Variants in PDE1C observed in about 807,000 individuals in gnomAD.
The protein encoded by PDE1C is phosphodiesterase 1C, also known as dual specificity calcium/calmodulin-dependent 3',5'-cyclic nucleotide phosphodiesterase 1C.
Under a neutral mutation model 93.1 loss-of-function variants are expected in PDE1C, and 62 were observed. The ratio of observed to expected loss-of-function variants is 0.67; its 90% CI spans 0.54 to 0.82. PDE1C has a LOEUF of 0.82. PDE1C is among the 40% of genes least tolerant of loss of function. The pLI, the probability that PDE1C is intolerant of heterozygous loss-of-function variation, is 0.00. For missense variants in PDE1C, 742 were observed against 884.6 expected (o/e 0.84, Z 2.04); for synonymous variants, 325 against 310.1 (o/e 1.05, Z -0.50).
chr7:31,724,857 C>T, the PDE1C span, among the ~76,000 whole-genome samples: 15 of 152,104 alleles, frequency 9.9e-5, no homozygotes, highest in Non-Finnish European at 5.9e-5. Flanking sequence ...GTTTTGGGAC[C>T]GCCCTTTCTG....
chr7:31,949,721 T>TCACC (rs1014941520), intron 2 of PDE1C, among the ~76,000 whole-genome samples: 2 of 152,172 alleles, frequency 1.3e-5, no homozygotes, highest in African/African-American at 4.8e-5. Flanking sequence ...ACATAAAATT[T>TCACC]CACCCAAAAT....
At chr7:31,916,652 C>A (rs1386422878) in intron 2 of PDE1C, among the ~76,000 whole-genome samples, 2 of 152,138 alleles carry the variant, frequency 1.3e-5, no homozygotes, top group African/African-American at 2.4e-5. Context: ...ATCAGGTAAC[C>A]CTGCACCAGG....
At chr7:32,402,453 G>T (rs1784965716) in intron 1 of PDE1C, among the ~76,000 whole-genome samples, 2 of 151,968 alleles carry the variant, frequency 1.3e-5, no homozygotes, top group African/African-American at 4.8e-5. Flanking sequence ...TGATTTTCAA[G>T]GGCAAGCAGA....
rs531056178 is a variant in PDE1C, at chr7:32,342,416, G to A, written c.310+85406C>T. On this transcript the variant is annotated intron_variant, in intron 1 of 1. Coordinates refer to the PDE1C transcript ENST00000672256. ...TTTTCCTATATAAAATCAAAGTCATGTATTATCTTGCTTCATATATATAAT... is the reference window on the plus strand; with the variant it reads ...TTTTCCTATATAAAATCAAAGTCATATATTATCTTGCTTCATATATATAAT... Among the ~76,000 whole-genome samples, 27 of 152,210 alleles carry A rather than the reference G, an allele frequency of 1.8e-4. No homozygotes were observed. The East Asian group carries it at 5.2e-3, about 29-fold the overall frequency.
intron 1 of PDE1C, among the ~76,000 whole-genome samples, chr7:32,342,236 C>T (rs1399380429): frequency 6.6e-6 from 1 of 152,170 alleles, no homozygotes; most frequent in African/African-American, 2.4e-5. Flanking sequence ...AAATCAGACA[C>T]CAATTCTGCT....
chr7:31,760,904 G>C (rs1285028593), intron 17 of PDE1C, among the ~76,000 whole-genome samples: 1 of 152,044 alleles, frequency 6.6e-6, no homozygotes, highest in Non-Finnish European at 1.5e-5. Flanking sequence ...TCTAAAATCA[G>C]TATCTGTTTG....
At chr7:32,186,593 C>A (rs910679398) in intron 2 of PDE1C, among the ~76,000 whole-genome samples, 1 of 151,782 alleles carries the variant, frequency 6.6e-6, no homozygotes, top group Non-Finnish European at 1.5e-5. Flanking sequence ...CCTTTCTTTG[C>A]CTTTTTTATT....
At chr7:31,979,781 G>A (rs1266293198) in intron 2 of PDE1C, among the ~76,000 whole-genome samples, 7 of 152,172 alleles carry the variant, frequency 4.6e-5, no homozygotes, top group Non-Finnish European at 4.4e-5. Context: ...ACTAGCCAAG[G>A]AAACAAAGAA....
intron 16 of PDE1C, among the ~76,000 whole-genome samples, chr7:31,794,037 TAGATAGACAGACAGAC>T (rs1187543391): frequency 2.8e-4 from 30 of 105,832 alleles, no homozygotes; most frequent in Middle Eastern, 4.7e-3. Flanking sequence ...GATAGATAGA[TAGATAGACAGACAGAC>T]AGACAGACAG....
chr7:32,277,963 T>C (rs1340739365), intron 1 of PDE1C, among the ~76,000 whole-genome samples: 1 of 152,082 alleles, frequency 6.6e-6, no homozygotes, highest in Admixed American at 6.6e-5. Flanking sequence ...AAGGTGCCAC[T>C]TCATTAGAGC....
At chr7:31,722,249 G>A in the PDE1C span, among the ~76,000 whole-genome samples, 1 of 152,070 alleles carries the variant, frequency 6.6e-6, no homozygotes. Flanking sequence ...CAGGCACCTT[G>A]CTCCCACTTC....
At chr7:31,971,107 A>G in intron 2 of PDE1C, among the ~76,000 whole-genome samples, 1 of 152,190 alleles carries the variant, frequency 6.6e-6, no homozygotes, top group East Asian at 1.9e-4. Context: ...GCGCTACTGC[A>G]CTCCAGCCCT....
At chr7:31,805,629 G>C (rs1455387807) in intron 16 of PDE1C, among the ~76,000 whole-genome samples, 5 of 151,042 alleles carry the variant, frequency 3.3e-5, no homozygotes, top group Non-Finnish European at 7.4e-5. Context: ...TGAAACCACA[G>C]AAAGTGAAAC....
At chr7:32,090,820 C>T (rs1260397023) in intron 3 of PDE1C, among the ~76,000 whole-genome samples, 1 of 152,178 alleles carries the variant, frequency 6.6e-6, no homozygotes, top group East Asian at 1.9e-4. Context: ...CTGCCTTCCC[C>T]AAAAATCCTG....
At chr7:31,652,252 C>G in the PDE1C span, among the ~76,000 whole-genome samples, 4 of 152,274 alleles carry the variant, frequency 2.6e-5, no homozygotes, top group South Asian at 8.3e-4. Context: ...ATTCAGTTCA[C>G]CTGTCATACC....
intron 7 of PDE1C, among the ~76,000 whole-genome samples, chr7:31,852,417 T>A (rs536991139): frequency 6.7e-6 from 1 of 150,252 alleles, no homozygotes; most frequent in South Asian, 2.1e-4. Context: ...CAAAATGAGA[T>A]GAAAAAAAGA....
chr7:31,984,961 C>G (rs1783171519), intron 2 of PDE1C, among the ~76,000 whole-genome samples: 1 of 152,136 alleles, frequency 6.6e-6, no homozygotes, highest in African/African-American at 2.4e-5. Context: ...CTGAAACCTC[C>G]TACCCTAGGT....
intron 1 of PDE1C, among the ~76,000 whole-genome samples, chr7:32,349,338 T>C (rs553438952): frequency 1.3e-5 from 2 of 152,258 alleles, no homozygotes; most frequent in South Asian, 2.1e-4. Flanking sequence ...AGGTGTCACA[T>C]TGAACAAATA....
intron 2 of PDE1C, among the ~76,000 whole-genome samples, chr7:31,985,615 C>T (rs1274831348): frequency 6.6e-6 from 1 of 151,984 alleles, no homozygotes; most frequent in Non-Finnish European, 1.5e-5. Context: ...TGTTCCCCGC[C>T]CTGTGTCTAA....
Sources: gnomAD v4.1 joint callset for allele counts (sites outside exome capture counted in the v4.1 genomes callset) on GRCh38, gnomAD v4.1.1 for gene constraint, MANE v1.5 for transcripts, NCBI Gene and HGNC (gene_info 2026-07-23, HGNC 2026-07-21) for gene names.